The following NLGN4X variants were observed in gnomAD, a reference collection of about 807,000 sequenced individuals.
NLGN4X encodes neuroligin-4, X-linked.
NLGN4X carries 3 observed loss-of-function variants against 40.3 expected under a neutral mutation model. The ratio of observed to expected loss-of-function variants is 0.07; its 90% CI spans 0.03 to 0.19. The LOEUF is 0.19. NLGN4X is among the 10% of genes least tolerant of loss of function. The pLI is 1.00. For missense variants in NLGN4X, 382 were observed against 708.3 expected, an observed-to-expected ratio of 0.54 and a Z score of 5.23; for synonymous variants, 270 against 306.8, an observed-to-expected ratio of 0.88 and a Z score of 1.25.
chrX:6,010,711 T>C (rs1013667921), intron 3 of NLGN4X, among the ~76,000 whole-genome samples: 1 of 109,208 alleles, frequency 9.2e-6, no homozygotes. Flanking sequence ...GTATTCATAG[T>C]AGAGACGGGG....
At chrX:6,078,262 A>T (rs1226122476) in intron 2 of NLGN4X, among the ~76,000 whole-genome samples, 1 of 112,397 alleles carries the variant, frequency 8.9e-6, no homozygotes, top group Non-Finnish European at 1.9e-5. Context: ...TAACAGCAGG[A>T]CAATTTGTGC....
intron 5 of NLGN4X, among the ~76,000 whole-genome samples, chrX:5,896,829 C>T (rs1423991213): frequency 8.9e-6 from 1 of 112,278 alleles, no homozygotes; most frequent in Non-Finnish European, 1.9e-5. Flanking sequence ...ACTCCTCTTC[C>T]ACACCAGGTG....
At chrX:5,993,909 C>T (rs2035752380) in intron 3 of NLGN4X, among the ~76,000 whole-genome samples, 1 of 111,571 alleles carries the variant, frequency 9.0e-6, no homozygotes, top group Admixed American at 9.5e-5. Context: ...GTGGAACTTG[C>T]CACAGAAACC....
intron 2 of NLGN4X, among the ~76,000 whole-genome samples, chrX:6,067,939 C>T (rs2037964636): frequency 9.0e-6 from 1 of 111,020 alleles, no homozygotes; most frequent in Admixed American, 9.6e-5. Flanking sequence ...TTTTCAAATC[C>T]CCAAATAATG....
chrX:5,964,742 C>T (rs2034770771), intron 3 of NLGN4X, among the ~76,000 whole-genome samples: 1 of 111,581 alleles, frequency 9.0e-6, no homozygotes, highest in Non-Finnish European at 1.9e-5. Context: ...TAGTCTTGAA[C>T]TCCTGGCCTC....
intron 3 of NLGN4X, among the ~76,000 whole-genome samples, chrX:6,011,366 A>AATATATATAT (rs10584166): frequency 5.9e-5 from 6 of 101,455 alleles, no homozygotes; most frequent in African/African-American, 2.2e-4. Flanking sequence ...CAAATTCAGA[A>AATATATATAT]ATATATATAT....
rs993145357 is a variant in NLGN4X at position 5,982,665 on chromosome X, G to A, written c.625+46615C>T. Among the ~76,000 whole-genome samples, 5 of 111,376 alleles carry A rather than the reference G, an allele frequency of 4.5e-5. No homozygotes were observed. The Admixed American group carries it at 4.8e-4, about 11-fold the overall frequency. The stretch of plus-strand genomic sequence containing the variant: ...CTTCAAAACTGATTATCACAGCCTG[G>A]GCAACATGGTGAAACCTTGTCTCTA... On this transcript the variant is annotated intron_variant, in intron 3 of 5. Transcript: ENST00000381095.
chrX:5,982,888 GAAAC>G (rs1220530940), intron 3 of NLGN4X, among the ~76,000 whole-genome samples: 1 of 111,635 alleles, frequency 9.0e-6, no homozygotes, highest in African/African-American at 3.3e-5. Context: ...AAAAAACAAA[GAAAC>G]AAACAAAAAC....
intron 2 of NLGN4X, among the ~76,000 whole-genome samples, chrX:6,092,393 G>A (rs748254155): frequency 8.9e-6 from 1 of 112,187 alleles, no homozygotes; most frequent in East Asian, 2.8e-4. Flanking sequence ...GCTGGGGCCA[G>A]AAACCCAAGC....
intron 1 of NLGN4X, among the ~76,000 whole-genome samples, chrX:6,213,082 G>A (rs1249013769): frequency 9.2e-6 from 1 of 109,155 alleles, no homozygotes. Flanking sequence ...GACTTGGGCA[G>A]GGAGGGGAGA....
intron 2 of NLGN4X, among the ~76,000 whole-genome samples, chrX:6,076,632 T>C (rs764123039): frequency 8.9e-6 from 1 of 112,357 alleles, no homozygotes; most frequent in African/African-American, 3.2e-5. Context: ...ACCAGAGTTG[T>C]GGACTTCCCT....
chrX:6,081,766 TCTAGAAA>T (rs745768704), intron 2 of NLGN4X, among the ~76,000 whole-genome samples: 1 of 112,468 alleles, frequency 8.9e-6, no homozygotes, highest in Non-Finnish European at 1.9e-5. Context: ...GAACTCATGC[TCTAGAAA>T]CTAGAAACCA....
At chrX:5,899,696 TTTTTTTTTTA>T (rs962642628) in intron 5 of NLGN4X, among the ~76,000 whole-genome samples, 1 of 109,424 alleles carries the variant, frequency 9.1e-6, no homozygotes, top group African/African-American at 3.3e-5. Flanking sequence ...TTTCCTTTTT[TTTTTTTTTTA>T]TTTTTTTTTA....
intron 3 of NLGN4X, among the ~76,000 whole-genome samples, chrX:5,982,801 T>A (rs892727416): frequency 8.9e-6 from 1 of 111,994 alleles, no homozygotes; most frequent in Non-Finnish European, 1.9e-5. Flanking sequence ...GAGGCTGCAG[T>A]GAACCCTGTT....
chrX:6,037,836 T>C (rs1017584978), intron 2 of NLGN4X, among the ~76,000 whole-genome samples: 1 of 111,337 alleles, frequency 9.0e-6, no homozygotes, highest in African/African-American at 3.3e-5. Context: ...CACTTGGCCA[T>C]AGAGTAATAT....
chrX:5,905,005 C>T (rs1337671708), intron 4 of NLGN4X, among the ~76,000 whole-genome samples: 3 of 109,026 alleles, frequency 2.8e-5, no homozygotes, highest in East Asian at 2.9e-4. Context: ...ATCCTGGGAA[C>T]GTTTCTGTCA....
At position 6,104,608 on chromosome X, in the gene NLGN4X, A is replaced by G. The variant is rs181009011; in HGVS notation, c.472+46387T>C. On this transcript the variant is annotated intron_variant, in intron 2 of 5. Transcript: ENST00000381095. ...ACTTGGACCTAGGAACCTGAGAAAT[A>G]TTCTCACAAGAGTGCCTTCAGTACC... Among the ~76,000 whole-genome samples, 3 of 111,456 alleles carry G rather than the reference A, an allele frequency of 2.7e-5. No individual in the cohort carries two copies. In the Admixed American group the frequency reaches 2.9e-4, roughly 11 times the overall value.
intron 2 of NLGN4X, among the ~76,000 whole-genome samples, chrX:6,091,015 T>G (rs1602211842): frequency 2.4e-5 from 2 of 82,732 alleles, no homozygotes; most frequent in Non-Finnish European, 4.4e-5. Flanking sequence ...GAAGGAGGGA[T>G]GTAGAAAGGA....
At chrX:6,071,194 T>C (rs1034844010) in intron 2 of NLGN4X, among the ~76,000 whole-genome samples, 2 of 111,738 alleles carry the variant, frequency 1.8e-5, no homozygotes, top group African/African-American at 6.5e-5. Flanking sequence ...CTTACCCATA[T>C]GAAACAGTGT....
Sources: allele counts gnomAD v4.1 joint callset (sites outside exome capture counted in the v4.1 genomes callset), GRCh38; gene constraint gnomAD v4.1.1; transcripts MANE v1.5; gene names NCBI Gene and HGNC (gene_info 2026-07-23, HGNC 2026-07-21).